The following KIF5C variants were observed in gnomAD, a reference collection of about 807,000 sequenced individuals.
The protein encoded by KIF5C is kinesin family member 5C, also known as kinesin heavy chain isoform 5C.
In KIF5C, 18 loss-of-function variants were observed where a neutral mutation model predicts 125.2. The ratio of observed to expected loss-of-function variants is 0.14; its 90% CI spans 0.10 to 0.21. The LOEUF is 0.21. KIF5C is among the 10% of genes least tolerant of loss of function. The pLI, the probability that KIF5C is intolerant of heterozygous loss-of-function variation, is 1.00. For synonymous variants in KIF5C, 405 were observed against 434.0 expected (o/e 0.93, Z 0.83); for missense variants, 780 against 1,183.8 (o/e 0.66, Z 5.01).
chr2:149,007,831 T>G (rs1682056069), intron 22 of KIF5C, 132 bp from the exon 23 acceptor site: 1 of 1,098,910 alleles, frequency 9.1e-7, no homozygotes, highest in African/African-American at 1.6e-5. Context: ...GTCTAAACTT[T>G]TAGAACCTCT....
At chr2:149,010,853 G>A (rs1287775987) in intron 24 of KIF5C, among the ~76,000 whole-genome samples, 1 of 152,200 alleles carries the variant, frequency 6.6e-6, no homozygotes, top group Non-Finnish European at 1.5e-5. Flanking sequence ...ACAGAACCTG[G>A]GGAGGTCTGG....
intron 17 of KIF5C, among the ~76,000 whole-genome samples, chr2:148,995,276 C>T (rs541115959): frequency 6.6e-6 from 1 of 152,334 alleles, no homozygotes; most frequent in African/African-American, 2.4e-5. Context: ...TTCACATTCT[C>T]TCTCTGTCCA....
rs577411098 is a variant in KIF5C, at chr2:148,970,879, A to G, written c.1118-2457A>G. Among the ~76,000 whole-genome samples, 3 of 152,328 alleles carry G rather than the reference A, an allele frequency of 2.0e-5. No individual in the cohort carries two copies. The South Asian group carries it at 6.2e-4, about 32-fold the overall frequency. On this transcript the variant is annotated intron_variant, in intron 11 of 25. Coordinates refer to ENST00000435030, the MANE Select transcript of KIF5C (RefSeq NM_004522.3). ...CATTTGAAACCAAAGAACACAGGGAATATATCTCTTCCAGATGTTTTTGTA... is the reference window on the plus strand; with the variant it reads ...CATTTGAAACCAAAGAACACAGGGAGTATATCTCTTCCAGATGTTTTTGTA...
At chr2:149,003,969 A>G (rs773544105) in intron 21 of KIF5C, among the ~76,000 whole-genome samples, 1 of 152,216 alleles carries the variant, frequency 6.6e-6, no homozygotes, top group Non-Finnish European at 1.5e-5. Flanking sequence ...GGTGTTAAGG[A>G]GCAGGGTATC....
At chr2:148,937,444 T>A (rs1360236413) in intron 4 of KIF5C, 56 bp downstream of exon 4, 12 of 1,530,222 alleles carry the variant, frequency 7.8e-6, no homozygotes, top group Non-Finnish European at 9.7e-6. Flanking sequence ...TAACGTTTCT[T>A]ATACCTCCTC....
In KIF5C at chr2:148,898,938, C is replaced by T. The variant is rs186027823; in HGVS notation, c.126+23195C>T. Among the ~76,000 whole-genome samples, 9 of 152,212 alleles carry T rather than the reference C, an allele frequency of 5.9e-5. No individual in the cohort carries two copies. The East Asian group carries it at 7.7e-4, about 13-fold the overall frequency. ...ATCTGTTCCTGTTAGAGAGCAGCAA[C>T]GAATGTTCATGAGCTATTCTCTATG... On this transcript the variant is annotated intron_variant, in intron 1 of 25. Transcript: ENST00000435030.
chr2:148,985,451 G>A (rs996938718), intron 15 of KIF5C, among the ~76,000 whole-genome samples: 2 of 152,258 alleles, frequency 1.3e-5, no homozygotes, highest in Middle Eastern at 3.4e-3. Flanking sequence ...GTATGTGGGG[G>A]CAGTTTCTGG....
intron 15 of KIF5C, among the ~76,000 whole-genome samples, chr2:148,984,005 G>A (rs1317366640): frequency 6.6e-6 from 1 of 152,134 alleles, no homozygotes; most frequent in Non-Finnish European, 1.5e-5. Flanking sequence ...AATGTTGGTT[G>A]GCTTTGTGTA....
At chr2:148,952,966 G>A (rs1158459246) in intron 10 of KIF5C, among the ~76,000 whole-genome samples, 3 of 152,178 alleles carry the variant, frequency 2.0e-5, no homozygotes, top group African/African-American at 7.2e-5. Context: ...ATAAGGGAGA[G>A]GATTAAATAA....
At chr2:148,881,877 T>TA (rs921043026) in intron 1 of KIF5C, among the ~76,000 whole-genome samples, 19 of 151,892 alleles carry the variant, frequency 1.3e-4, no homozygotes, top group African/African-American at 1.9e-4. Context: ...TCTACTTATG[T>TA]AAAAAAAAGC....
At chr2:148,971,322 A>ATC in intron 11 of KIF5C, among the ~76,000 whole-genome samples, 1 of 148,002 alleles carries the variant, frequency 6.8e-6, no homozygotes, top group East Asian at 1.9e-4. Context: ...CTATCTATCT[A>ATC]TCTATCTATC....
At chr2:149,020,989 C>G (rs2105215004) in intron 25 of KIF5C, among the ~76,000 whole-genome samples, 1 of 152,290 alleles carries the variant, frequency 6.6e-6, no homozygotes. Flanking sequence ...AGTTGTGTAG[C>G]TTTGCCACTG....
At chr2:148,904,968 CT>C (rs1681046891) in intron 1 of KIF5C, among the ~76,000 whole-genome samples, 1 of 152,184 alleles carries the variant, frequency 6.6e-6, no homozygotes, top group African/African-American at 2.4e-5. Context: ...AGTGTTTAAT[CT>C]CTAATACTTT....
intron 19 of KIF5C, 50 bp downstream of exon 19, chr2:148,998,559 C>T: frequency 1.3e-6 from 2 of 1,548,812 alleles, no homozygotes; most frequent in South Asian, 2.4e-5. Flanking sequence ...TGCCTCGGTC[C>T]TCTTGGGGAA....
intron 1 of KIF5C, among the ~76,000 whole-genome samples, chr2:148,893,102 C>T (rs1348476552): frequency 6.6e-6 from 1 of 152,110 alleles, no homozygotes; most frequent in African/African-American, 2.4e-5. Flanking sequence ...TATTTATTGT[C>T]AAGATAAGAA....
chr2:148,971,336 GTCTA>G (rs1558924918), intron 11 of KIF5C, among the ~76,000 whole-genome samples: 1 of 122,904 alleles, frequency 8.1e-6, no homozygotes, highest in Non-Finnish European at 1.8e-5. Context: ...ATCTATCTAT[GTCTA>G]TCTATCTCTA....
intron 1 of KIF5C, chr2:148,886,361 G>C (rs1383841365): frequency 6.6e-6 from 1 of 152,334 alleles, no homozygotes; most frequent in Non-Finnish European, 1.5e-5. Flanking sequence ...AGTTCAGCTG[G>C]CTCCACAGAT....
At chr2:148,881,025 A>G (rs1681334680) in intron 1 of KIF5C, among the ~76,000 whole-genome samples, 1 of 151,676 alleles carries the variant, frequency 6.6e-6, no homozygotes, top group African/African-American at 2.4e-5. Context: ...AGTGCAGATA[A>G]TAATTACTTA....
At chr2:148,986,418 T>C (rs538272497) in intron 15 of KIF5C, among the ~76,000 whole-genome samples, 1 of 152,326 alleles carries the variant, frequency 6.6e-6, no homozygotes, top group East Asian at 1.9e-4. Flanking sequence ...AGGGAGTAGT[T>C]GTATGACTTT....
Sources: gnomAD v4.1 joint callset for allele counts (sites outside exome capture counted in the v4.1 genomes callset) on GRCh38, gnomAD v4.1.1 for gene constraint, MANE v1.5 for transcripts, NCBI Gene and HGNC (gene_info 2026-07-23, HGNC 2026-07-21) for gene names.